Variants in ARHGEF17 observed in about 807,000 individuals in gnomAD.
The protein encoded by ARHGEF17 is Rho guanine nucleotide exchange factor 17.
A neutral mutation model predicts 174.0 loss-of-function variants in ARHGEF17; 80 were observed. That is an observed-to-expected ratio of 0.46 (90% CI 0.38 to 0.55). The LOEUF is 0.55. Among genes scored for constraint, ARHGEF17 ranks in the 20% least tolerant of loss-of-function variants. ARHGEF17 has a pLI of 0.00. For missense variants in ARHGEF17, 2,886 were observed against 2,839.7 expected (o/e 1.02, Z -0.37); for synonymous variants, 1,311 against 1,189.1 (o/e 1.10, Z -2.11).
chr11:73,311,160 G>A lies in ARHGEF17; in HGVS notation c.2522G>A (p.Gly841Glu), dbSNP rs750813179. Residue 841 changes from glycine (G) to glutamate (E), a missense_variant, in exon 1 of 21, where the codon GGA becomes GAA. Gly to Glu is a moderately conservative substitution (Grantham distance 98). This residue lies in a region of ARHGEF17 where 1,728 missense variants were observed against 1,461.2 expected (regional missense o/e 1.18). Coordinates refer to ENST00000263674, the MANE Select transcript of ARHGEF17 (RefSeq NM_014786.4). ...PSRRGELAGP[G>E]FEGPGGEPIR... The stretch of plus-strand genomic sequence containing the variant: ...CGCCGTGGGGAGCTGGCTGGGCCTG[G>A]ATTCGAGGGCCCTGGAGGGGAGCCC... The A allele has an allele frequency of 1.9e-6, 3 of 1,596,586 alleles. No homozygotes were observed. The East Asian group carries it at 6.7e-5, about 36-fold the overall frequency.
intron 1 of ARHGEF17, among the ~76,000 whole-genome samples, chr11:73,333,825 C>T (rs1315086953): frequency 6.6e-6 from 1 of 152,190 alleles, no homozygotes; most frequent in Non-Finnish European, 1.5e-5. Flanking sequence ...GACTGTCTGC[C>T]ACCCTGGGGG....
In ARHGEF17 at chr11:73,367,795, G is replaced by A. The variant is rs1263961461; in HGVS notation, c.*15G>A. The A allele has an allele frequency of 6.3e-7, 1 of 1,596,536 alleles. No homozygotes were observed. Among genetic ancestry groups the A allele is most frequent in the East Asian group, 2.2e-5 (1 of 44,480 alleles). ...GGAGGGTGTGACCCTGTCTGCCGTG[G>A]CCCAGGACTCGCCCGCCCACCTGCC... On this transcript the variant is annotated 3_prime_UTR_variant, in exon 21 of 21. Transcript: ENST00000263674.
chr11:73,320,295 G>A (rs913670623), intron 1 of ARHGEF17, among the ~76,000 whole-genome samples: 1 of 152,092 alleles, frequency 6.6e-6, no homozygotes, highest in Admixed American at 6.5e-5. Context: ...GGCTGTAGTC[G>A]ATGGGGGCAG....
chr11:73,355,689 C>T (rs1565205726), intron 4 of ARHGEF17, 40 bp downstream of exon 4: 1 of 1,596,052 alleles, frequency 6.3e-7, no homozygotes. Flanking sequence ...GTGACCCTCA[C>T]CTTGGGCCAG....
chr11:73,366,670 A>C (rs1865844828), intron 20 of ARHGEF17, among the ~76,000 whole-genome samples: 1 of 152,162 alleles, frequency 6.6e-6, no homozygotes, highest in East Asian at 1.9e-4. Flanking sequence ...AGGGAAGTCG[A>C]GGCTGCAGTC....
In ARHGEF17 at chr11:73,363,754, G is replaced by A. The variant is rs374378252; in HGVS notation, c.5254G>A (p.Val1752Met). 4.9e-5 allele frequency: 79 copies of A among 1,613,896 alleles called. No homozygotes were observed. Among genetic ancestry groups the A allele is most frequent in the Admixed American group, 3.8e-4 (23 of 59,996 alleles). Residue 1752 changes from valine (V) to methionine (M), a missense_variant, in exon 16 of 21, where the codon GTG (valine) becomes ATG (methionine). Val to Met is a conservative substitution (Grantham distance 21, BLOSUM62 1). Around this residue, in one of 4 missense-constraint regions of ARHGEF17, gnomAD observed 329 missense variants for 435.2 expected, o/e 0.76. Coordinates refer to ENST00000263674, the MANE Select transcript of ARHGEF17 (RefSeq NM_014786.4). Reference protein sequence around the residue: ...WLGTEDGCVHVYQSSDSIRDR... With the variant: ...WLGTEDGCVHMYQSSDSIRDR... Reference sequence around the variant, plus strand: ...GCATACCCCGATCCACAGTGTCCACGTGTACCAGTCCTCCGACAGCATCCG... The same window carrying A: ...GCATACCCCGATCCACAGTGTCCACATGTACCAGTCCTCCGACAGCATCCG...
At chr11:73,322,348 G>A (rs1467188553) in intron 1 of ARHGEF17, among the ~76,000 whole-genome samples, 1 of 152,196 alleles carries the variant, frequency 6.6e-6, no homozygotes, top group East Asian at 1.9e-4. Context: ...TGCCAGAACT[G>A]TCTACCTGGA....
At position 73,308,588 on chromosome 11, in the gene ARHGEF17, G is replaced by T; in HGVS notation, c.-51G>T. On this transcript the variant is annotated 5_prime_UTR_variant, in exon 1 of 21. Transcript: ENST00000263674. ...TCCTAGGGAGTGGGGGCGCAGGGGGGGTTGGCCGCGGCTGCCCGAGGCCAG... is the reference window on the plus strand; with the variant it reads ...TCCTAGGGAGTGGGGGCGCAGGGGGTGTTGGCCGCGGCTGCCCGAGGCCAG... 5 of 1,372,368 alleles carry T rather than the reference G, an allele frequency of 3.6e-6. No individual in the cohort carries two copies. The highest frequency in any genetic ancestry group is 1.6e-5 in the South Asian group (1 of 62,210). The allele number at this position is 1,372,368 out of a possible 1,614,324, so 85.0% of individuals were successfully genotyped here.
chr11:73,308,911 G>A lies in ARHGEF17; in HGVS notation c.273G>A (p.Ala91=). The A allele has an allele frequency of 4.4e-6, 6 of 1,361,794 alleles. No homozygotes were observed. The highest frequency in any genetic ancestry group is 3.9e-5 in the Admixed American group (1 of 25,970). 84.4% of individuals were successfully genotyped at this position (1,361,794 alleles called of 1,614,324 possible). A position where few individuals can be genotyped will look rare whatever the true frequency, so the allele number is the denominator to read the frequency against. ...GCCAGCTCTCCCGGCGCTTCGACGCGCCGCGTCTGGACGACGGCTCCGCTG... is the reference window on the plus strand; with the variant it reads ...GCCAGCTCTCCCGGCGCTTCGACGCACCGCGTCTGGACGACGGCTCCGCTG... The part of the protein sequence containing the change: ...SVRQLSRRFD[A]PRLDDGSAGT... The change falls in exon 1 of 21, where the codon GCG becomes GCA. Residue 91 remains alanine (A), a synonymous_variant. Transcript: ENST00000263674.
At chr11:73,323,414 C>T (rs777619022) in intron 1 of ARHGEF17, among the ~76,000 whole-genome samples, 4 of 152,318 alleles carry the variant, frequency 2.6e-5, no homozygotes, top group East Asian at 3.9e-4. Context: ...CAGCAGCCCT[C>T]GTGGTGGGTC....
rs571190109 is a variant in ARHGEF17 at position 73,329,069 on chromosome 11, G to T, written c.3192+17239G>T. On this transcript the variant is annotated intron_variant, in intron 1 of 20. Transcript: ENST00000263674. ...TATATATTTAATATTTTGAATAGATGATATATTCACATGGTTAGGAAAAAT... is the reference window on the plus strand; with the variant it reads ...TATATATTTAATATTTTGAATAGATTATATATTCACATGGTTAGGAAAAAT... 2.0e-4 allele frequency among the ~76,000 whole-genome samples: 30 copies of T among 151,668 alleles called. 1 individual carries two copies. The South Asian group carries it at 6.0e-3, about 30-fold the overall frequency.
Position 73,309,122 on chromosome 11 carries a change from G to T in ARHGEF17, c.484G>T (p.Ala162Ser). ...CGACGGTGCCGCGTGGGAGCCTCCG[G>T]CTCGGGAGTCGCGGCAGCCACCGAC... ...SPDGAAWEPP[A>S]RESRQPPTPP... Residue 162 changes from alanine (A) to serine (S), a missense_variant, in exon 1 of 21, where the codon GCT (alanine) becomes TCT (serine). Around this residue, in one of 4 missense-constraint regions of ARHGEF17, gnomAD observed 1,728 missense variants for 1,461.2 expected, o/e 1.18. Transcript: ENST00000263674. The T allele has an allele frequency of 6.4e-7, 1 of 1,570,460 alleles. No homozygotes were observed. Among genetic ancestry groups the T allele is most frequent in the East Asian group, 2.5e-5 (1 of 40,738 alleles).
At position 73,345,115 on chromosome 11, in the gene ARHGEF17, C is replaced by T. The variant is rs1215706460; in HGVS notation, c.3193-1768C>T. Among the ~76,000 whole-genome samples, 2 of 152,202 alleles carry T rather than the reference C, an allele frequency of 1.3e-5. 1 individual carries two copies. The highest frequency in any genetic ancestry group is 2.9e-5 in the Non-Finnish European group (2 of 68,028). On this transcript the variant is annotated intron_variant, in intron 1 of 20. Coordinates refer to ENST00000263674, the MANE Select transcript of ARHGEF17 (RefSeq NM_014786.4). ...CGGGAGGCCTTCCTGGCCCTCCACG[C>T]TCTCCCAAGTCTCCATCCTACAGTG...
chr11:73,359,191 A>T (rs889787855), intron 9 of ARHGEF17, among the ~76,000 whole-genome samples: 1 of 152,262 alleles, frequency 6.6e-6, no homozygotes, highest in Non-Finnish European at 1.5e-5. Flanking sequence ...ACAGGAAAAG[A>T]AACTCATTTA....
At chr11:73,364,025 C>T in intron 16 of ARHGEF17, 147 bp from the exon 17 acceptor site, 1 of 1,058,302 alleles carries the variant, frequency 9.4e-7, no homozygotes, top group Non-Finnish European at 1.4e-6. Flanking sequence ...CTTTTCTTAG[C>T]CTCAGGCAAC....
Position 73,361,476 on chromosome 11 carries a change from A to G in ARHGEF17, c.4494+315A>G, listed in dbSNP as rs117123791. 6.0e-4 allele frequency among the ~76,000 whole-genome samples: 92 copies of G among 152,242 alleles called. 2 individuals are homozygous for G. In the South Asian group the frequency reaches 0.011, roughly 17 times the overall value. Reference sequence around the variant, plus strand: ...AGGTTACCAGCATCACATTTTTTCTATGCATGTATCCATGATTATATCTGG... The same window carrying G: ...AGGTTACCAGCATCACATTTTTTCTGTGCATGTATCCATGATTATATCTGG... On this transcript the variant is annotated intron_variant, in intron 12 of 20. Coordinates refer to ENST00000263674, the MANE Select transcript of ARHGEF17 (RefSeq NM_014786.4).
intron 20 of ARHGEF17, 67 bp downstream of exon 20, chr11:73,366,014 T>C (rs1865831790): frequency 6.5e-7 from 1 of 1,541,602 alleles, no homozygotes; most frequent in Non-Finnish European, 8.7e-7. Context: ...CCCACTATCC[T>C]GCCAGAAGAG....
intron 1 of ARHGEF17, chr11:73,343,101 G>A (rs1455803165): frequency 5.5e-6 from 1 of 183,062 alleles, no homozygotes. Flanking sequence ...CCCCCGCCCC[G>A]CCGCCACCCC....
At position 73,311,377 on chromosome 11, in the gene ARHGEF17, G is replaced by C; in HGVS notation, c.2739G>C (p.Leu913=). 11 of 1,613,284 alleles carry C rather than the reference G, an allele frequency of 6.8e-6. No homozygotes were observed. Among genetic ancestry groups the C allele is most frequent in the Non-Finnish European group, 8.5e-6 (10 of 1,180,026 alleles). ...TTGACCCCAAGCTGGCTGACATTCT[G>C]TCCCCGAGGCTAATCCGCCGAGGCT... ...FHLDPKLADI[L]SPRLIRRGSK... Residue 913 remains leucine (L), a synonymous_variant, in exon 1 of 21, where the codon CTG becomes CTC. Coordinates refer to ENST00000263674, the MANE Select transcript of ARHGEF17 (RefSeq NM_014786.4).
Sources: allele counts gnomAD v4.1 joint callset (sites outside exome capture counted in the v4.1 genomes callset), GRCh38; gene constraint gnomAD v4.1.1; regional missense constraint gnomAD v4.1.1; transcripts MANE v1.5; gene names NCBI Gene and HGNC (gene_info 2026-07-23, HGNC 2026-07-21).